Variants in STRIP2 observed in about 807,000 individuals in gnomAD.
STRIP2 encodes striatin-interacting protein 2.
STRIP2 carries 84 observed loss-of-function variants against 107.1 expected under a neutral mutation model. The ratio of observed to expected loss-of-function variants is 0.78; its 90% CI spans 0.66 to 0.94. The LOEUF (loss-of-function observed/expected upper bound fraction) is 0.94. STRIP2 is among the 40% of genes least tolerant of loss of function. STRIP2 has a pLI of 0.00. For synonymous variants in STRIP2, 394 were observed against 400.4 expected (o/e 0.98, Z 0.19); for missense variants, 888 against 1,034.2 (o/e 0.86, Z 1.94).
At position 129,452,827 on chromosome 7, in the gene STRIP2, G is replaced by A. The variant is rs191379745; in HGVS notation, c.410-400G>A. On this transcript the variant is annotated intron_variant, in intron 4 of 20. Transcript: ENST00000249344. ...TAGCCTGACTGTCTCACCCCTCTTG[G>A]ATAGAATAACTGTGAGTTGTGTGTT... Among the ~76,000 whole-genome samples, 9 of 152,294 alleles carry A rather than the reference G, an allele frequency of 5.9e-5. No homozygotes were observed. The East Asian group carries it at 1.7e-3, about 29-fold the overall frequency.
intron 7 of STRIP2, 56 bp downstream of exon 7, chr7:129,454,583 C>A (rs570993533): frequency 1.8e-6 from 2 of 1,104,730 alleles, no homozygotes; most frequent in South Asian, 2.5e-5. Context: ...AGAGGGGAAG[C>A]AGAGCATCTG....
Position 129,461,844 on chromosome 7 carries a change from T to A in STRIP2, c.1477-1122T>A, listed in dbSNP as rs1044928993. On this transcript the variant is annotated intron_variant, in intron 13 of 20. Transcript: ENST00000249344. The surrounding 1 kb of genome is among the most constrained non-coding windows in gnomAD (Gnocchi z 4.0). ...GGGAGGATGTTTTATAGCTGAGAGA[T>A]ACTAGAGCATTTTTTGTTTCCTAAA... Among the ~76,000 whole-genome samples, 2 of 152,156 alleles carry A rather than the reference T, an allele frequency of 1.3e-5. No homozygotes were observed. Among genetic ancestry groups the A allele is most frequent in the African/African-American group, 4.8e-5 (2 of 41,432 alleles).
intron 16 of STRIP2, among the ~76,000 whole-genome samples, 154 bp from the exon 17 acceptor site, chr7:129,467,196 C>T (rs1798690068): frequency 6.6e-6 from 1 of 152,150 alleles, no homozygotes; most frequent in Non-Finnish European, 1.5e-5. Context: ...GAAGATGATT[C>T]TTCCCATTTC....
intron 18 of STRIP2, among the ~76,000 whole-genome samples, chr7:129,475,978 A>G: frequency 6.6e-6 from 1 of 152,124 alleles, no homozygotes; most frequent in East Asian, 1.9e-4. Context: ...ACACAGACAC[A>G]GCAACAATCT....
intron 2 of STRIP2, among the ~76,000 whole-genome samples, chr7:129,441,014 AAT>A (rs550151369): frequency 1.3e-5 from 2 of 151,910 alleles, no homozygotes; most frequent in African/African-American, 4.8e-5. Context: ...ATATGATATA[AAT>A]ATATATATAT....
rs542312914 is a variant in STRIP2 at position 129,483,474 on chromosome 7, G to T, written c.2254+428G>T. On this transcript the variant is annotated intron_variant, in intron 20 of 20. Transcript: ENST00000249344. The surrounding 1 kb of genome is among the most constrained non-coding windows in gnomAD (Gnocchi z 5.1). ...AAATTGCCACCATTAACATCTTATTGTATATTCCTCCAGATCTTTTTCTAT... is the reference window on the plus strand; with the variant it reads ...AAATTGCCACCATTAACATCTTATTTTATATTCCTCCAGATCTTTTTCTAT... 90 of 323,036 alleles carry T rather than the reference G, an allele frequency of 2.8e-4. No homozygotes were observed. Among genetic ancestry groups the T allele is most frequent in the African/African-American group, 2.0e-3 (90 of 44,610 alleles). 20.0% of individuals were successfully genotyped at this position (323,036 alleles called of 1,614,324 possible).
chr7:129,463,586 C>T (rs967624806), intron 14 of STRIP2, among the ~76,000 whole-genome samples: 11 of 152,256 alleles, frequency 7.2e-5, no homozygotes, highest in African/African-American at 2.6e-4. Context: ...ACCTCCACCT[C>T]CCAGGTTCAA....
chr7:129,470,563 A>G, intron 17 of STRIP2, 86 bp from the exon 18 acceptor site: 3 of 1,115,394 alleles, frequency 2.7e-6, no homozygotes, highest in Non-Finnish European at 4.1e-6. Context: ...GCTGCTGGAG[A>G]GAAATAACTC....
chr7:129,482,164 A>G (rs1207392664), intron 19 of STRIP2, among the ~76,000 whole-genome samples: 2 of 152,014 alleles, frequency 1.3e-5, no homozygotes, highest in African/African-American at 4.8e-5. Flanking sequence ...AAACAAAACA[A>G]AACAAAAAAA....
intron 17 of STRIP2, among the ~76,000 whole-genome samples, chr7:129,470,291 CTG>C (rs2151011430): frequency 6.6e-6 from 1 of 152,344 alleles, no homozygotes; most frequent in Non-Finnish European, 1.5e-5. Flanking sequence ...TGGGCAGTGT[CTG>C]TGGGAGCAGT....
chr7:129,453,139 T>C (rs1798242036), intron 4 of STRIP2, 88 bp from the exon 5 acceptor site: 2 of 1,562,718 alleles, frequency 1.3e-6, no homozygotes, highest in East Asian at 2.2e-5. Context: ...CAGAGTATTA[T>C]AGGAAAATCT....
intron 1 of STRIP2, 41 bp from the exon 2 acceptor site, chr7:129,439,981 T>C (rs1562893133): frequency 1.3e-6 from 2 of 1,551,054 alleles, no homozygotes; most frequent in Non-Finnish European, 1.8e-6. Context: ...AACCCCTTTT[T>C]CCAAGTTATC....
intron 19 of STRIP2, among the ~76,000 whole-genome samples, chr7:129,482,034 C>A (rs891703620): frequency 3.9e-5 from 6 of 152,006 alleles, no homozygotes; most frequent in African/African-American, 1.5e-4. Context: ...GTGGCGGGCG[C>A]CTCTACTCAG....
chr7:129,475,277 T>C (rs1477411026), intron 18 of STRIP2, among the ~76,000 whole-genome samples: 1 of 152,154 alleles, frequency 6.6e-6, no homozygotes, highest in African/African-American at 2.4e-5. Flanking sequence ...TGCAAGGAAA[T>C]GCTTTGGGGG....
intron 1 of STRIP2, among the ~76,000 whole-genome samples, chr7:129,438,153 A>G (rs1340647559): frequency 6.6e-6 from 1 of 152,208 alleles, no homozygotes; most frequent in Non-Finnish European, 1.5e-5. Flanking sequence ...TGGGGGAGCA[A>G]CTTATATACA....
At chr7:129,437,252 T>C (rs1797765743) in intron 1 of STRIP2, among the ~76,000 whole-genome samples, 1 of 151,872 alleles carries the variant, frequency 6.6e-6, no homozygotes, top group Non-Finnish European at 1.5e-5. Flanking sequence ...GCCTGGGAAA[T>C]GTAGGCAGAC....
In STRIP2 at chr7:129,458,172, A is replaced by C; in HGVS notation, c.1039-43A>C. On this transcript the variant is annotated intron_variant, in intron 9 of 20. Transcript: ENST00000249344. This position sits in a 1 kb window ranked among gnomAD's most constrained non-coding sequence, Gnocchi z 4.6. ...GGTGGCCTCAGACAAGGATGCCCAG[A>C]GTGAGATCTCTGCATGCCTACCCTC... The C allele has an allele frequency of 6.6e-7, 1 of 1,510,224 alleles. No homozygotes were observed. The highest frequency in any genetic ancestry group is 9.2e-7 in the Non-Finnish European group (1 of 1,088,384). 93.6% of individuals were successfully genotyped at this position (1,510,224 alleles called of 1,614,324 possible).
At position 129,458,059 on chromosome 7, in the gene STRIP2, CAGT is replaced by C. The variant is rs1798413849; in HGVS notation, c.1039-153_1039-151del. 1 of 701,682 alleles carries C rather than the reference CAGT, an allele frequency of 1.4e-6. No homozygotes were observed. Among genetic ancestry groups the C allele is most frequent in the Non-Finnish European group, 2.6e-6 (1 of 385,058 alleles). 43.5% of individuals were successfully genotyped at this position (701,682 alleles called of 1,614,324 possible). ...GTCCTGTTATTGGGCCGGGTGGGGACAGTAGGTTAAGGTGGGGAATTGGATGTT... is the reference window on the plus strand; with the variant it reads ...GTCCTGTTATTGGGCCGGGTGGGGACAGGTTAAGGTGGGGAATTGGATGTT... On this transcript the variant is annotated intron_variant, in intron 9 of 20. Transcript: ENST00000249344. This position sits in a 1 kb window ranked among gnomAD's most constrained non-coding sequence, Gnocchi z 4.6.
At chr7:129,453,011 C>T (rs1007571971) in intron 4 of STRIP2, among the ~76,000 whole-genome samples, 9 of 152,162 alleles carry the variant, frequency 5.9e-5, no homozygotes, top group South Asian at 2.1e-4. Flanking sequence ...ACCCTTAAGA[C>T]GATAGGCCAT....
Sources: allele counts gnomAD v4.1 joint callset (sites outside exome capture counted in the v4.1 genomes callset), GRCh38; gene constraint gnomAD v4.1.1; non-coding constraint Gnocchi (gnomAD v3.1); transcripts MANE v1.5; gene names NCBI Gene and HGNC (gene_info 2026-07-23, HGNC 2026-07-21).